FIP1L1: variants seen among roughly 807,000 people sequenced by gnomAD.
FIP1L1 encodes pre-mRNA 3'-end-processing factor FIP1.
A neutral mutation model predicts 84.6 loss-of-function variants in FIP1L1; 21 were observed. The ratio of observed to expected loss-of-function variants is 0.25; its 90% confidence interval spans 0.18 to 0.36. The LOEUF (loss-of-function observed/expected upper bound fraction) is 0.36, where lower values mean the gene tolerates loss of function less well. FIP1L1 is among the 10% of genes least tolerant of loss of function. The pLI is 1.00. For synonymous variants in FIP1L1, 263 were observed against 242.3 expected, an observed-to-expected ratio of 1.09 and a Z score of -0.80; for missense variants, 526 against 751.1, an observed-to-expected ratio of 0.70 and a Z score of 3.50.
intron 13 of FIP1L1, among the ~76,000 whole-genome samples, chr4:53,433,857 A>G (rs1034315767): frequency 5.3e-5 from 8 of 152,210 alleles, no homozygotes; most frequent in African/African-American, 1.9e-4. Context: ...GTGTCTGGCT[A>G]ATCATCTAGT....
At chr4:53,435,955 A>C (rs1389190225) in intron 13 of FIP1L1, among the ~76,000 whole-genome samples, 1 of 152,152 alleles carries the variant, frequency 6.6e-6, no homozygotes. Flanking sequence ...TTTGAGTAAA[A>C]CTTCTGAGCT....
chr4:53,395,919 A>ATTTTTTTTTTTTTTTTTTTTTTT (rs11400535), intron 9 of FIP1L1, among the ~76,000 whole-genome samples: 1 of 147,810 alleles, frequency 6.8e-6, no homozygotes, highest in Non-Finnish European at 1.5e-5. Flanking sequence ...GTATTTTATG[A>ATTTTTTTTTTTTTTTTTTTTTTT]TTTTTTTTTT....
intron 13 of FIP1L1, among the ~76,000 whole-genome samples, chr4:53,432,248 A>G (rs1219373785): frequency 6.6e-6 from 1 of 151,786 alleles, no homozygotes; most frequent in East Asian, 1.9e-4. Flanking sequence ...ATATGAAAAA[A>G]TTAGCTGGGT....
chr4:53,410,072 G>A (rs1437557193), intron 10 of FIP1L1, among the ~76,000 whole-genome samples: 6 of 152,136 alleles, frequency 3.9e-5, no homozygotes, highest in South Asian at 2.1e-4. Flanking sequence ...GAAATCACCC[G>A]TCTTCTGCGT....
chr4:53,412,161 A>G (rs766252008), intron 10 of FIP1L1, among the ~76,000 whole-genome samples: 1 of 152,106 alleles, frequency 6.6e-6, no homozygotes, highest in Non-Finnish European at 1.5e-5. Context: ...TTGCGTTATA[A>G]TTTCTCAAAA....
At chr4:53,404,032 T>A (rs1296568578) in intron 10 of FIP1L1, among the ~76,000 whole-genome samples, 2 of 151,922 alleles carry the variant, frequency 1.3e-5, no homozygotes, top group South Asian at 2.1e-4. Flanking sequence ...TATTATACTT[T>A]AAGTTTTAGG....
At chr4:53,420,709 C>T (rs1016138476) in intron 11 of FIP1L1, among the ~76,000 whole-genome samples, 4 of 151,788 alleles carry the variant, frequency 2.6e-5, no homozygotes, top group East Asian at 1.9e-4. Context: ...GGAAGTAAAA[C>T]GTACACACAG....
chr4:53,431,150 C>T (rs751306341), intron 13 of FIP1L1, among the ~76,000 whole-genome samples: 5 of 152,152 alleles, frequency 3.3e-5, no homozygotes, highest in African/African-American at 4.8e-5. Flanking sequence ...AGATGATTTT[C>T]GGATTTATAC....
intron 16 of FIP1L1, among the ~76,000 whole-genome samples, chr4:53,453,899 A>AT (rs959227792): frequency 6.6e-6 from 1 of 152,238 alleles, no homozygotes; most frequent in African/African-American, 2.4e-5. Context: ...ATGTACAAAT[A>AT]GTCTCTCTTT....
At chr4:53,453,549 C>A (rs1324781354) in intron 16 of FIP1L1, among the ~76,000 whole-genome samples, 1 of 152,168 alleles carries the variant, frequency 6.6e-6, no homozygotes. Context: ...ATGATCATAG[C>A]TCACTGCACT....
At chr4:53,406,218 G>T (rs555108479) in intron 10 of FIP1L1, among the ~76,000 whole-genome samples, 16 of 147,196 alleles carry the variant, frequency 1.1e-4, no homozygotes, top group South Asian at 4.6e-4. Context: ...TTTTTAGCAT[G>T]AAGGGTTGTT....
chr4:53,405,411 G>A (rs1206275321), intron 10 of FIP1L1, among the ~76,000 whole-genome samples: 4 of 152,136 alleles, frequency 2.6e-5, no homozygotes, highest in Non-Finnish European at 4.4e-5. Context: ...GGTTACTGTA[G>A]CCTTGTAGTA....
intron 9 of FIP1L1, among the ~76,000 whole-genome samples, chr4:53,396,650 C>T (rs1747532280): frequency 6.6e-6 from 1 of 152,118 alleles, no homozygotes; most frequent in African/African-American, 2.4e-5. Flanking sequence ...GTGATCCACC[C>T]ACCTCGGCCT....
intron 15 of FIP1L1, among the ~76,000 whole-genome samples, chr4:53,448,880 T>C (rs1297422043): frequency 2.0e-5 from 3 of 152,156 alleles, no homozygotes; most frequent in Non-Finnish European, 2.9e-5. Flanking sequence ...AGTCCTTAGG[T>C]ACCTAATGTT....
At chr4:53,433,317 T>C (rs1288472250) in intron 13 of FIP1L1, among the ~76,000 whole-genome samples, 5 of 152,230 alleles carry the variant, frequency 3.3e-5, no homozygotes, top group African/African-American at 9.6e-5. Context: ...CTGTAACCTC[T>C]ATTCTACTTT....
intron 16 of FIP1L1, among the ~76,000 whole-genome samples, chr4:53,455,855 C>T (rs548276783): frequency 6.5e-4 from 99 of 151,950 alleles, no homozygotes; most frequent in African/African-American, 2.2e-3. Flanking sequence ...ATCTTTTTTC[C>T]GTCCTTTGGC....
chr4:53,438,047 T>C (rs1770250862), intron 13 of FIP1L1, among the ~76,000 whole-genome samples: 1 of 151,980 alleles, frequency 6.6e-6, no homozygotes. Flanking sequence ...TTAATACCAC[T>C]AATCTGTTCA....
At chr4:53,398,880 G>A (rs188182425) in intron 9 of FIP1L1, among the ~76,000 whole-genome samples, 4 of 152,284 alleles carry the variant, frequency 2.6e-5, no homozygotes, top group Admixed American at 6.5e-5. Context: ...GGCTGGGCCT[G>A]GTGGCTCACA....
At position 53,417,809 on chromosome 4, in the gene FIP1L1, T is replaced by A. The variant is rs1186618088; in HGVS notation, c.923+3087T>A. On this transcript the variant is annotated intron_variant, in intron 11 of 17. Transcript: ENST00000337488. ...CTCTCTCTCTCTCTCTCTCTCTCTC[T>A]CTCTCTCTCTCAGGCTACTTTTTCT... Among the ~76,000 whole-genome samples the A allele has an allele frequency of 1.2e-3, 131 of 110,724 alleles. 1 individual carries two copies. In the South Asian group the frequency reaches 0.016, roughly 13 times the overall value. The allele number at this position is 110,724 out of a possible 152,430, so 72.6% of individuals were successfully genotyped here.
Sources: allele counts gnomAD v4.1 joint callset (sites outside exome capture counted in the v4.1 genomes callset), GRCh38; gene constraint gnomAD v4.1.1; transcripts MANE v1.5; gene names NCBI Gene and HGNC (gene_info 2026-07-23, HGNC 2026-07-21).